MYO1B: variants seen among roughly 807,000 people sequenced by gnomAD.
The protein encoded by MYO1B is unconventional myosin-Ib.
A neutral mutation model predicts 159.7 loss-of-function variants in MYO1B; 72 were observed. That is an observed-to-expected ratio of 0.45 (90% CI 0.37 to 0.55). The LOEUF (loss-of-function observed/expected upper bound fraction) is 0.55, where lower values mean the gene tolerates loss of function less well. Ranked by LOEUF, MYO1B falls within the 20% of genes least tolerant of loss-of-function variation. MYO1B has a pLI of 0.00. For missense variants in MYO1B, 1,062 were observed against 1,364.8 expected, an observed-to-expected ratio of 0.78 and a Z score of 3.50; for synonymous variants, 468 against 473.8, an observed-to-expected ratio of 0.99 and a Z score of 0.16.
chr2:191,253,257 T>A (rs1037412219), intron 1 of MYO1B, among the ~76,000 whole-genome samples: 1 of 152,202 alleles, frequency 6.6e-6, no homozygotes. Flanking sequence ...TCCCAACTTA[T>A]GTCACCATTG....
Position 191,276,231 on chromosome 2 carries a change from T to C in MYO1B, c.-9-656T>C, listed in dbSNP as rs573176978. Among the ~76,000 whole-genome samples, 61 of 152,332 alleles carry C rather than the reference T, an allele frequency of 4.0e-4. No homozygotes were observed. In the South Asian group the frequency reaches 0.011, roughly 28 times the overall value. On this transcript the variant is annotated intron_variant, in intron 1 of 30. Coordinates refer to ENST00000392318, the MANE Select transcript of MYO1B (RefSeq NM_001130158.3). ...GTGTTCTTTTCTTTATATGTCAGTA[T>C]TGATTGTCTGGAATGAAATTTCCTC... is the stretch of plus-strand genomic sequence containing the variant.
intron 9 of MYO1B, among the ~76,000 whole-genome samples, chr2:191,363,436 AAAC>A (rs1693802018): frequency 6.6e-6 from 1 of 152,156 alleles, no homozygotes; most frequent in Non-Finnish European, 1.5e-5. Context: ...AGTGTAAAAA[AAAC>A]GACATACATA....
chr2:191,394,540 A>G (rs962265698), intron 20 of MYO1B, among the ~76,000 whole-genome samples: 1 of 152,232 alleles, frequency 6.6e-6, no homozygotes, highest in Non-Finnish European at 1.5e-5. Context: ...TAAAGTTTAT[A>G]TCTAGTGAAA....
At chr2:191,401,002 A>C (rs1696579641) in intron 23 of MYO1B, among the ~76,000 whole-genome samples, 167 bp downstream of exon 23, 1 of 152,242 alleles carries the variant, frequency 6.6e-6, no homozygotes, top group Non-Finnish European at 1.5e-5. Context: ...AGTAGTATGC[A>C]TAGGAAGCTT....
At chr2:191,287,542 A>G (rs1008164494) in intron 2 of MYO1B, among the ~76,000 whole-genome samples, 6 of 151,916 alleles carry the variant, frequency 3.9e-5, no homozygotes, top group Non-Finnish European at 8.8e-5. Flanking sequence ...AAAAAAAAAA[A>G]GGTGAGGAAA....
At chr2:191,277,113 T>C (rs1687801358) in intron 2 of MYO1B, 83 bp downstream of exon 2, 12 of 1,496,174 alleles carry the variant, frequency 8.0e-6, no homozygotes, top group Non-Finnish European at 1.1e-5. Flanking sequence ...CAGACTCTTC[T>C]TTCTTTTTTC....
intron 4 of MYO1B, among the ~76,000 whole-genome samples, chr2:191,337,939 T>C (rs1003103786): frequency 2.0e-5 from 3 of 152,276 alleles, no homozygotes; most frequent in Middle Eastern, 3.4e-3. Flanking sequence ...ATTTGAACTT[T>C]AGCACCAAAG....
In MYO1B at chr2:191,424,844, G is replaced by A. The variant is rs1260191469; in HGVS notation, c.*884G>A. 1 of 152,490 alleles carries A rather than the reference G, an allele frequency of 6.6e-6. No individual in the cohort carries two copies. Among genetic ancestry groups the A allele is most frequent in the African/African-American group, 2.4e-5 (1 of 41,432 alleles). The allele number at this position is 152,490 out of a possible 1,614,324, so 9.4% of individuals were successfully genotyped here. ...GTAGATATTTTAAACACCTAACAAA[G>A]TAAAGGGCTAAAAGCCATTCAGATA... On this transcript the variant is annotated 3_prime_UTR_variant, in exon 31 of 31. Coordinates refer to ENST00000392318, the MANE Select transcript of MYO1B (RefSeq NM_001130158.3).
chr2:191,294,361 A>G (rs1403924543), intron 2 of MYO1B, among the ~76,000 whole-genome samples: 1 of 152,218 alleles, frequency 6.6e-6, no homozygotes, highest in Non-Finnish European at 1.5e-5. Flanking sequence ...AAAAGGGAGA[A>G]GGATTCAAAT....
At chr2:191,317,405 T>C (rs1690422178) in intron 3 of MYO1B, among the ~76,000 whole-genome samples, 1 of 152,218 alleles carries the variant, frequency 6.6e-6, no homozygotes, top group Non-Finnish European at 1.5e-5. Context: ...AGGCTGTAAT[T>C]GCCTTTGCTC....
intron 3 of MYO1B, among the ~76,000 whole-genome samples, chr2:191,305,332 G>A (rs1689584884): frequency 6.6e-6 from 1 of 152,228 alleles, no homozygotes; most frequent in African/African-American, 2.4e-5. Flanking sequence ...AGGGAAGTTA[G>A]CAAAGCCAGG....
At chr2:191,327,206 C>T (rs1051843655) in intron 3 of MYO1B, among the ~76,000 whole-genome samples, 5 of 152,140 alleles carry the variant, frequency 3.3e-5, no homozygotes, top group Admixed American at 2.6e-4. Context: ...GCCACTGCTT[C>T]GAGAGCATCC....
At chr2:191,375,470 A>AGATAGATAGAT (rs1694637553) in intron 13 of MYO1B, among the ~76,000 whole-genome samples, 3 of 146,256 alleles carry the variant, frequency 2.1e-5, no homozygotes, top group African/African-American at 7.6e-5. Context: ...TGATTTGTAA[A>AGATAGATAGAT]AGATAGATAG....
At chr2:191,401,599 C>T (rs943529571) in intron 23 of MYO1B, 3 of 152,124 alleles carry the variant, frequency 2.0e-5, no homozygotes, top group African/African-American at 7.2e-5. Flanking sequence ...ATGTGTATTC[C>T]AGTTAGAAAC....
chr2:191,281,851 G>A (rs1257188813), intron 2 of MYO1B, among the ~76,000 whole-genome samples: 2 of 152,280 alleles, frequency 1.3e-5, no homozygotes, highest in East Asian at 3.9e-4. Context: ...GGATCATCTA[G>A]ATATAGGGGC....
chr2:191,337,037 A>G (rs571288028), intron 4 of MYO1B, among the ~76,000 whole-genome samples: 5 of 152,332 alleles, frequency 3.3e-5, no homozygotes, highest in African/African-American at 1.2e-4. Flanking sequence ...TAAATTTATT[A>G]GAAGCTCTGT....
At chr2:191,375,410 G>A (rs1694632730) in intron 13 of MYO1B, among the ~76,000 whole-genome samples, 1 of 151,654 alleles carries the variant, frequency 6.6e-6, no homozygotes, top group African/African-American at 2.4e-5. Context: ...TAATTGAAGA[G>A]GAAGGAAACA....
rs145701413 is a variant in MYO1B at position 191,364,400 on chromosome 2, G to T, written c.1032+124G>T. ...AATCGTACTATGTTCTAGGCATTGG[G>T]AACAGAGCAGTAAACTAAACAGATA... On this transcript the variant is annotated intron_variant, in intron 11 of 30. Coordinates refer to ENST00000392318, the MANE Select transcript of MYO1B (RefSeq NM_001130158.3). 413 of 729,558 alleles carry T rather than the reference G, an allele frequency of 5.7e-4. 3 individuals carry two copies. The African/African-American group carries it at 6.6e-3, about 12-fold the overall frequency. The allele number at this position is 729,558 out of a possible 1,614,324, so 45.2% of individuals were successfully genotyped here.
Position 191,390,292 on chromosome 2 carries a change from G to A in MYO1B, c.1782G>A (p.Arg594=), listed in dbSNP as rs200422490. The stretch of plus-strand genomic sequence containing the variant: ...ACCTAAAATCTTTGTGATCTTTAAG[G>A]TGTATCAAACCGAATGATAAAAAAG... ...NLQTKNPNYI[R]CIKPNDKKAA... The change falls in exon 18 of 31, where the codon AGG becomes AGA. Residue 594 remains arginine, a splice_region_variant and synonymous_variant. Transcript: ENST00000392318. 3.7e-6 allele frequency: 6 copies of A among 1,611,490 alleles called. No homozygotes were observed. The Admixed American group carries it at 5.0e-5, about 13-fold the overall frequency.
Sources: gnomAD v4.1 joint callset for allele counts (sites outside exome capture counted in the v4.1 genomes callset) on GRCh38, gnomAD v4.1.1 for gene constraint, MANE v1.5 for transcripts, NCBI Gene and HGNC (gene_info 2026-07-23, HGNC 2026-07-21) for gene names.